KIF13B: variants seen among roughly 807,000 people sequenced by gnomAD.
KIF13B encodes kinesin family member 13B.
In KIF13B, 127 loss-of-function variants were observed where a neutral mutation model predicts 222.0. The ratio of observed to expected loss-of-function variants is 0.57; its 90% CI spans 0.50 to 0.66. The LOEUF (loss-of-function observed/expected upper bound fraction) is 0.66. Ranked by LOEUF, KIF13B falls within the 30% of genes least tolerant of loss-of-function variation. KIF13B has a pLI of 0.00. For synonymous variants in KIF13B, 976 were observed against 919.0 expected (o/e 1.06, Z -1.12); for missense variants, 2,173 against 2,379.0 (o/e 0.91, Z 1.80).
chr8:29,146,202 T>A, intron 18 of KIF13B, 176 bp downstream of exon 18: 1 of 660,590 alleles, frequency 1.5e-6, no homozygotes, highest in South Asian at 1.8e-5. Context: ...AAAATATACA[T>A]ACACTCAAAG....
chr8:29,096,293 C>CT (rs61008499), intron 36 of KIF13B, among the ~76,000 whole-genome samples: 60 of 76,584 alleles, frequency 7.8e-4, no homozygotes, highest in Middle Eastern at 8.5e-3. Flanking sequence ...CCAAGCTTTT[C>CT]TTTTTTTTTT....
chr8:29,188,408 G>A, intron 5 of KIF13B, 107 bp downstream of exon 5: 1 of 633,658 alleles, frequency 1.6e-6, no homozygotes, highest in Non-Finnish European at 2.6e-6. Flanking sequence ...CTTTCTGAAA[G>A]CAAAAACAAC....
chr8:29,083,717 A>G (rs1563686111), intron 37 of KIF13B, among the ~76,000 whole-genome samples: 1 of 152,170 alleles, frequency 6.6e-6, no homozygotes, highest in Non-Finnish European at 1.5e-5. Flanking sequence ...CCCTAAACTG[A>G]ACAGAAATCA....
intron 6 of KIF13B, among the ~76,000 whole-genome samples, chr8:29,185,878 C>T (rs1350061223): frequency 2.0e-5 from 3 of 152,220 alleles, no homozygotes; most frequent in Non-Finnish European, 4.4e-5. Flanking sequence ...CACTCAGTTA[C>T]AGCTGTAGAG....
chr8:29,180,395 A>G (rs1474823438), intron 7 of KIF13B, among the ~76,000 whole-genome samples, 157 bp from the exon 8 acceptor site: 1 of 152,224 alleles, frequency 6.6e-6, no homozygotes, highest in Non-Finnish European at 1.5e-5. Context: ...CCCATGGAGT[A>G]CAATAGCCAA....
chr8:29,140,512 C>T lies in KIF13B; in HGVS notation c.2440G>A (p.Val814Met), dbSNP rs780435093. 115 of 1,613,836 alleles carry T rather than the reference C, an allele frequency of 7.1e-5. No individual in the cohort carries two copies. Among genetic ancestry groups the T allele is most frequent in the Non-Finnish European group, 9.2e-5 (109 of 1,179,870 alleles). ...ATGGGAACAGCGTATTGTAACTTCA[C>T]ATCATAGAAAAGTGACTCGAGGAAG... Reference protein sequence around the residue: ...NVFLESLFYDVKLQYAVPIIN... With the variant: ...NVFLESLFYDMKLQYAVPIIN... Residue 814 changes from valine to methionine, a missense_variant, in exon 20 of 40, where the codon GTG (valine) becomes ATG (methionine). By Grantham distance (21) the Val-to-Met change is conservative. Around this residue, in one of 2 missense-constraint regions of KIF13B, gnomAD observed 1,480 missense variants for 1,722.8 expected, o/e 0.86. Coordinates refer to ENST00000524189, the MANE Select transcript of KIF13B (RefSeq NM_015254.4).
At chr8:29,142,548 T>TG (rs1563736177) in intron 18 of KIF13B, among the ~76,000 whole-genome samples, 2 of 152,210 alleles carry the variant, frequency 1.3e-5, no homozygotes, top group South Asian at 4.1e-4. Context: ...AAAAATTTTT[T>TG]GGGGGGAGTT....
At chr8:29,080,202 G>T (rs1807738968) in intron 37 of KIF13B, among the ~76,000 whole-genome samples, 1 of 151,854 alleles carries the variant, frequency 6.6e-6, no homozygotes, top group Non-Finnish European at 1.5e-5. Context: ...GCTGGGCGTG[G>T]TGGTGCACAC....
At chr8:29,142,051 T>A in intron 19 of KIF13B, 106 bp downstream of exon 19, 1 of 801,806 alleles carries the variant, frequency 1.2e-6, no homozygotes. Context: ...AGAAATAGGA[T>A]TATAATTTTG....
At chr8:29,206,534 A>G (rs1224704931) in intron 2 of KIF13B, among the ~76,000 whole-genome samples, 1 of 152,162 alleles carries the variant, frequency 6.6e-6, no homozygotes, top group Admixed American at 6.5e-5. Flanking sequence ...CTCACAAGGG[A>G]AAAAACAGCT....
At chr8:29,180,364 G>T in intron 7 of KIF13B, 126 bp from the exon 8 acceptor site, 1 of 953,058 alleles carries the variant, frequency 1.0e-6, no homozygotes, top group Non-Finnish European at 1.7e-6. Context: ...TTAACATTTT[G>T]TTTCTCAATG....
intron 38 of KIF13B, among the ~76,000 whole-genome samples, chr8:29,073,873 G>C (rs1807429614): frequency 6.6e-6 from 1 of 152,162 alleles, no homozygotes; most frequent in East Asian, 1.9e-4. Flanking sequence ...TGAATCTCTA[G>C]GCTGCAAAAT....
intron 31 of KIF13B, among the ~76,000 whole-genome samples, chr8:29,116,376 G>C (rs1222861917): frequency 1.3e-5 from 2 of 152,162 alleles, no homozygotes; most frequent in African/African-American, 4.8e-5. Context: ...GGCTGAGATG[G>C]AAGGATCACC....
chr8:29,099,306 C>T, intron 35 of KIF13B, 65 bp from the exon 36 acceptor site: 1 of 1,110,192 alleles, frequency 9.0e-7, no homozygotes, highest in Non-Finnish European at 1.3e-6. Context: ...AAAAAAATTA[C>T]AGATACTCAA....
intron 17 of KIF13B, 67 bp from the exon 18 acceptor site, chr8:29,146,607 C>A (rs1029263812): frequency 2.5e-5 from 35 of 1,398,322 alleles, no homozygotes; most frequent in Non-Finnish European, 3.3e-5. Context: ...GTCAGAAAAT[C>A]ATACAGTGGT....
chr8:29,239,727 A>C (rs1240153453), intron 2 of KIF13B, among the ~76,000 whole-genome samples: 1 of 152,190 alleles, frequency 6.6e-6, no homozygotes, highest in African/African-American at 2.4e-5. Context: ...CGGTGGCACG[A>C]TCTTGGCTAA....
Position 29,117,024 on chromosome 8 carries a change from G to A in KIF13B, c.3661-17C>T, listed in dbSNP as rs919907313. 6 of 1,537,300 alleles carry A rather than the reference G, an allele frequency of 3.9e-6. No homozygotes were observed. The highest frequency in any genetic ancestry group is 2.3e-5 in the East Asian group (1 of 42,748). On this transcript the variant is annotated splice_polypyrimidine_tract_variant and intron_variant, in intron 30 of 39. Transcript: ENST00000524189. ...TGCTTTCACCTGGAGAGAAGACAGA[G>A]AGGAAACAGGTTTCTCTCTTCTCCA...
At position 29,108,208 on chromosome 8, in the gene KIF13B, AG is replaced by A. The variant is rs769327975; in HGVS notation, c.4162-17del. 6.8e-6 allele frequency: 11 copies of A among 1,609,362 alleles called. No homozygotes were observed. The highest frequency in any genetic ancestry group is 5.3e-5 in the African/African-American group (4 of 74,818). On this transcript the variant is annotated splice_polypyrimidine_tract_variant and intron_variant, in intron 34 of 39. Transcript: ENST00000524189. ...TTCCAGACAACTGAAGAAGAAAGAA[AG>A]GGGGGTTAGTTATTTATGCATCAGA...
Position 29,116,957 on chromosome 8 carries a change from G to A in KIF13B, c.3711C>T (p.Leu1237=), listed in dbSNP as rs1400876615. 2.5e-6 allele frequency: 4 copies of A among 1,611,110 alleles called. No homozygotes were observed. The highest frequency in any genetic ancestry group is 4.5e-5 in the East Asian group (2 of 44,744). Residue 1237 remains leucine (L), a synonymous_variant, in exon 31 of 40, where the codon CTC becomes CTT. Transcript: ENST00000524189. ...WDSAVHGCPQ[L]SRGTPVDERL... The stretch of plus-strand genomic sequence containing the variant: ...GCTCGTCCACGGGCGTGCCCCTGCT[G>A]AGCTGAGGGCAGCCATGCACCGCGG...
Sources: allele counts gnomAD v4.1 joint callset (sites outside exome capture counted in the v4.1 genomes callset), GRCh38; gene constraint gnomAD v4.1.1; regional missense constraint gnomAD v4.1.1; transcripts MANE v1.5; gene names NCBI Gene and HGNC (gene_info 2026-07-23, HGNC 2026-07-21).